The following AR variants were observed in gnomAD, a reference collection of about 807,000 sequenced individuals.
The protein encoded by AR is androgen receptor.
AR carries 8 observed loss-of-function variants against 53.9 expected under a neutral mutation model. The ratio of observed to expected loss-of-function variants is 0.15; its 90% confidence interval spans 0.09 to 0.27. The LOEUF (loss-of-function observed/expected upper bound fraction) is 0.27, where lower values mean the gene tolerates loss of function less well. Among genes scored for constraint, AR ranks in the 10% least tolerant of loss-of-function variants. The pLI is 1.00. For missense variants in AR, 639 were observed against 742.5 expected (o/e 0.86, Z 1.62); for synonymous variants, 359 against 316.4 (o/e 1.13, Z -1.43).
intron 1 of AR, among the ~76,000 whole-genome samples, chrX:67,641,793 A>G (rs1180905216): frequency 9.1e-6 from 1 of 110,192 alleles, no homozygotes; most frequent in African/African-American, 3.3e-5. Flanking sequence ...AAAGTGAGTG[A>G]AAGTTTTCTT....
chrX:67,642,622 A>G (rs920029221), intron 1 of AR, among the ~76,000 whole-genome samples: 2 of 111,719 alleles, frequency 1.8e-5, no homozygotes, highest in African/African-American at 6.5e-5. Context: ...TGTGATCTAT[A>G]GAAACACCTA....
intron 2 of AR, among the ~76,000 whole-genome samples, chrX:67,672,599 G>C (rs776156181): frequency 3.6e-5 from 4 of 110,000 alleles, no homozygotes; most frequent in Non-Finnish European, 1.9e-5. Context: ...ACACTCTATC[G>C]CATAAAAAAA....
chrX:67,636,791 C>G (rs976099664), intron 1 of AR, among the ~76,000 whole-genome samples: 1 of 111,501 alleles, frequency 9.0e-6, no homozygotes, highest in South Asian at 3.7e-4. Flanking sequence ...ATTTTGCTAG[C>G]TGGGGAGTCA....
chrX:67,548,901 T>C (rs921461564), intron 1 of AR, among the ~76,000 whole-genome samples: 1 of 111,531 alleles, frequency 9.0e-6, no homozygotes, highest in African/African-American at 3.3e-5. Context: ...TTTTTTCTGG[T>C]TTGTGATTGC....
chrX:67,546,688 T>C lies in AR; in HGVS notation c.1542T>C (p.Tyr514=), dbSNP rs773002866. 1.7e-5 allele frequency: 21 copies of C among 1,206,362 alleles called. No individual in the cohort carries two copies. The Admixed American group carries it at 4.6e-4, about 26-fold the overall frequency. ...YPGGMVSRVP[Y]PSPTCVKSEM... is the part of the protein sequence containing the mutation. ...GCGGCATGGTGAGCAGAGTGCCCTA[T>C]CCCAGTCCCACTTGTGTCAAAAGCG... The change falls in exon 1 of 8, where the codon TAT becomes TAC. Residue 514 remains tyrosine, a synonymous_variant. Transcript: ENST00000374690.
At chrX:67,644,632 C>T (rs1056414375) in intron 2 of AR, among the ~76,000 whole-genome samples, 1 of 111,731 alleles carries the variant, frequency 9.0e-6, no homozygotes, top group South Asian at 3.7e-4. Context: ...CTGACCTCCT[C>T]AGTGATAGCC....
intron 6 of AR, 75 bp from the exon 7 acceptor site, chrX:67,722,752 G>C (rs2076141200): frequency 8.6e-7 from 1 of 1,162,518 alleles, no homozygotes; most frequent in Non-Finnish European, 1.2e-6. Flanking sequence ...TCTGTGGTCA[G>C]AAAACTTGGT....
At chrX:67,598,537 C>T (rs1329363307) in intron 1 of AR, among the ~76,000 whole-genome samples, 1 of 110,923 alleles carries the variant, frequency 9.0e-6, no homozygotes, top group Non-Finnish European at 1.9e-5. Flanking sequence ...CCTTGGCCTC[C>T]CAAAATGCTA....
chrX:67,662,104 A>G (rs935384940), intron 2 of AR, among the ~76,000 whole-genome samples: 5 of 111,014 alleles, frequency 4.5e-5, no homozygotes, highest in East Asian at 2.8e-4. Context: ...TAGTCTTGCT[A>G]GTGGTCTATC....
chrX:67,589,599 G>A (rs1922731382), intron 1 of AR, among the ~76,000 whole-genome samples: 1 of 111,810 alleles, frequency 8.9e-6, no homozygotes, highest in Admixed American at 9.5e-5. Context: ...CATTTTGAGG[G>A]CAGACTCAAC....
intron 1 of AR, among the ~76,000 whole-genome samples, chrX:67,575,491 CTA>C (rs1206575483): frequency 9.0e-6 from 1 of 111,417 alleles, no homozygotes; most frequent in Admixed American, 9.5e-5. Context: ...ACCAAAAACT[CTA>C]TGGGTTATCA....
intron 1 of AR, among the ~76,000 whole-genome samples, chrX:67,612,544 A>G (rs189547516): frequency 2.9e-4 from 33 of 111,997 alleles, no homozygotes; most frequent in African/African-American, 1.1e-3. Flanking sequence ...ACTTAAATAA[A>G]CATCATTTCT....
intron 1 of AR, among the ~76,000 whole-genome samples, chrX:67,588,422 G>C (rs1175711265): frequency 8.9e-6 from 1 of 112,075 alleles, no homozygotes; most frequent in East Asian, 2.8e-4. Context: ...CAAGCGCTGA[G>C]GCCATGCAGG....
intron 1 of AR, among the ~76,000 whole-genome samples, chrX:67,561,849 A>T (rs1317441992): frequency 9.0e-6 from 1 of 110,576 alleles, no homozygotes; most frequent in African/African-American, 3.3e-5. Context: ...ATCATGGAAT[A>T]AAGAAGTTAG....
At chrX:67,647,565 G>A (rs1426690421) in intron 2 of AR, among the ~76,000 whole-genome samples, 1 of 112,040 alleles carries the variant, frequency 8.9e-6, no homozygotes, top group Admixed American at 9.5e-5. Context: ...GGATCTGCTT[G>A]CAGCTTCAAC....
rs1001351497 is a variant in AR, at chrX:67,729,171, T to G, written c.*5330T>G. On this transcript the variant is annotated 3_prime_UTR_variant, in exon 8 of 8. Coordinates refer to ENST00000374690, the MANE Select transcript of AR (RefSeq NM_000044.6). ...TGTAATTCTGGTTTTGGATATGTTC[T>G]GTAAAGATTTTGACAAATGAAAATG... 1 of 174,890 alleles carries G rather than the reference T, an allele frequency of 5.7e-6. No individual in the cohort carries two copies. The highest frequency in any genetic ancestry group is 1.1e-5 in the Non-Finnish European group (1 of 91,496). 14.4% of individuals were successfully genotyped at this position (174,890 alleles called of 1,213,427 possible). A position where few individuals can be genotyped will look rare whatever the true frequency, so the allele number is the denominator to read the frequency against.
intron 1 of AR, among the ~76,000 whole-genome samples, chrX:67,565,239 T>G (rs1801642477): frequency 1.8e-5 from 2 of 111,915 alleles, no homozygotes; most frequent in Non-Finnish European, 3.8e-5. Context: ...AGATTGGTAT[T>G]AAGATATTTT....
intron 2 of AR, among the ~76,000 whole-genome samples, chrX:67,651,200 C>T (rs1293956641): frequency 2.9e-5 from 2 of 67,885 alleles, no homozygotes; most frequent in African/African-American, 3.6e-5. Context: ...ATCACCACAC[C>T]CAGCTTTTTT....
At chrX:67,650,568 A>G (rs1194245532) in intron 2 of AR, among the ~76,000 whole-genome samples, 2 of 112,549 alleles carry the variant, frequency 1.8e-5, no homozygotes, top group Admixed American at 1.9e-4. Context: ...TTCTGCGAGA[A>G]GCCATCATTG....
Sources: allele counts gnomAD v4.1 joint callset (sites outside exome capture counted in the v4.1 genomes callset), GRCh38; gene constraint gnomAD v4.1.1; transcripts MANE v1.5; gene names NCBI Gene and HGNC (gene_info 2026-07-23, HGNC 2026-07-21).